ATP23: variants seen among roughly 807,000 people sequenced by gnomAD.
ATP23 encodes the protein mitochondrial inner membrane protease ATP23 homolog.
A neutral mutation model predicts 28.5 loss-of-function variants in ATP23; 24 were observed. The ratio of observed to expected loss-of-function variants is 0.84; its 90% CI spans 0.61 to 1.18. ATP23 has a LOEUF of 1.18. Among genes scored for constraint, ATP23 ranks in the 50% most tolerant of loss-of-function variants. The pLI, the probability that ATP23 is intolerant of heterozygous loss-of-function variation, is 0.00. For missense variants in ATP23, 274 were observed against 306.4 expected, an observed-to-expected ratio of 0.89 and a Z score of 0.79; for synonymous variants, 99 against 108.6, an observed-to-expected ratio of 0.91 and a Z score of 0.55.
At chr12:57,954,379 G>A (rs1007535006) in intron 5 of ATP23, among the ~76,000 whole-genome samples, 1 of 152,178 alleles carries the variant, frequency 6.6e-6, no homozygotes, top group Non-Finnish European at 1.5e-5. Flanking sequence ...AGAACAGAGA[G>A]TGTGTTGCTG....
Position 57,953,715 on chromosome 12 carries a change from C to T in ATP23, c.537+26C>T, listed in dbSNP as rs552225668. The T allele has an allele frequency of 3.8e-6, 6 of 1,565,060 alleles. No individual in the cohort carries two copies. The Admixed American group carries it at 8.4e-5, about 22-fold the overall frequency. Reference sequence around the variant, plus strand: ...GTAAAAACTAATATGAAATCACTTCCCCTCCAGAGTGTTACGAGTGGAAAT... The same window carrying T: ...GTAAAAACTAATATGAAATCACTTCTCCTCCAGAGTGTTACGAGTGGAAAT... On this transcript the variant is annotated intron_variant, in intron 5 of 5. Coordinates refer to ENST00000300145, the MANE Select transcript of ATP23 (RefSeq NM_033276.4).
At chr12:57,952,480 T>C (rs888278951) in intron 4 of ATP23, among the ~76,000 whole-genome samples, 4 of 152,184 alleles carry the variant, frequency 2.6e-5, no homozygotes, top group Admixed American at 2.6e-4. Context: ...TTTTCAAAAA[T>C]ACAACATAAA....
At chr12:57,942,087 T>A (rs1221445656) in intron 1 of ATP23, among the ~76,000 whole-genome samples, 199 bp downstream of exon 1, 2 of 152,228 alleles carry the variant, frequency 1.3e-5, no homozygotes, top group Non-Finnish European at 2.9e-5. Flanking sequence ...TTTTCGTCGC[T>A]GTTTTTGGCT....
chr12:57,947,175 A>T, intron 3 of ATP23, 99 bp downstream of exon 3: 2 of 1,125,304 alleles, frequency 1.8e-6, no homozygotes, highest in Non-Finnish European at 2.6e-6. Context: ...GGTAGACTTT[A>T]TGTAGGACTA....
At chr12:57,954,904 T>C (rs1592280816) in intron 5 of ATP23, among the ~76,000 whole-genome samples, 1 of 152,100 alleles carries the variant, frequency 6.6e-6, no homozygotes, top group South Asian at 2.1e-4. Flanking sequence ...GCCTTCTGCC[T>C]GGAAAGGGTG....
In ATP23 at chr12:57,956,825, A is replaced by G. The variant is rs1237821611; in HGVS notation, c.676A>G (p.Lys226Glu). ...ACCTTTTGGAAGGATCCCACATAAC[A>G]AGACTTATGCAAGATATGCTCACAG... ...HEPFGRIPHNKTYARYAHRDF... is the reference protein window; with the variant it reads ...HEPFGRIPHNETYARYAHRDF... Residue 226 changes from lysine to glutamate, a missense_variant, in exon 6 of 6, where the codon AAG (lysine) becomes GAG (glutamate). By Grantham distance (56) the Lys-to-Glu change is moderately conservative. Coordinates refer to ENST00000300145, the MANE Select transcript of ATP23 (RefSeq NM_033276.4). 1.2e-6 allele frequency: 2 copies of G among 1,613,820 alleles called. No individual in the cohort carries two copies. Among genetic ancestry groups the G allele is most frequent in the African/African-American group, 2.7e-5 (2 of 74,924 alleles).
At chr12:57,953,335 G>T (rs751103805) in intron 4 of ATP23, among the ~76,000 whole-genome samples, 1 of 152,072 alleles carries the variant, frequency 6.6e-6, no homozygotes, top group Non-Finnish European at 1.5e-5. Context: ...GTAAAGCTAC[G>T]CATAAAGTTT....
rs1407577123 is a variant in ATP23, at chr12:57,957,787, T to C, written c.*897T>C. Among the ~76,000 whole-genome samples the C allele has an allele frequency of 1.3e-5, 2 of 152,110 alleles. No homozygotes were observed. The stretch of plus-strand genomic sequence containing the variant: ...TCCTGCCTGTCACCACAGAGATCCA[T>C]TGCAAGGGCAGCCAGAAGAGCAGCG... On this transcript the variant is annotated 3_prime_UTR_variant, in exon 6 of 6. Coordinates refer to ENST00000300145, the MANE Select transcript of ATP23 (RefSeq NM_033276.4).
chr12:57,956,393 T>C (rs535509898), intron 5 of ATP23, among the ~76,000 whole-genome samples: 1 of 151,744 alleles, frequency 6.6e-6, no homozygotes, highest in East Asian at 1.9e-4. Flanking sequence ...TTGGGAGATA[T>C]TGTTTGGCAG....
intron 1 of ATP23, among the ~76,000 whole-genome samples, chr12:57,944,845 T>C (rs1956744268): frequency 6.6e-6 from 1 of 152,214 alleles, no homozygotes. Flanking sequence ...CTGGAAATAG[T>C]CTGTAGTACC....
chr12:57,951,390 G>C lies in ATP23; in HGVS notation c.316-368G>C, dbSNP rs185449999. ...ACTGAGTTAGTAAGGGGTGGAGCTGGAATTTGAATCTGTGTGCTTCATTCC... is the reference window on the plus strand; with the variant it reads ...ACTGAGTTAGTAAGGGGTGGAGCTGCAATTTGAATCTGTGTGCTTCATTCC... On this transcript the variant is annotated intron_variant, in intron 3 of 5. Transcript: ENST00000300145. Among the ~76,000 whole-genome samples the C allele has an allele frequency of 2.0e-3, 303 of 152,284 alleles. 1 individual carries two copies. Among genetic ancestry groups the C allele is most frequent in the African/African-American group, 6.8e-3 (283 of 41,554 alleles).
At position 57,955,759 on chromosome 12, in the gene ATP23, A is replaced by T. The variant is rs192661348; in HGVS notation, c.538-928A>T. 2.0e-5 allele frequency among the ~76,000 whole-genome samples: 3 copies of T among 152,340 alleles called. No individual in the cohort carries two copies. The East Asian group carries it at 5.8e-4, about 29-fold the overall frequency. ...TTTATGCCTGGGGTTTATTTTTTAA[A>T]ATCAGCGTTTAGTAAAATTCAGGTT... On this transcript the variant is annotated intron_variant, in intron 5 of 5. Transcript: ENST00000300145.
chr12:57,947,170 A>C, intron 3 of ATP23, 94 bp downstream of exon 3: 2 of 1,213,928 alleles, frequency 1.6e-6, no homozygotes, highest in Admixed American at 3.9e-5. Flanking sequence ...TGTTTGGTAG[A>C]CTTTATGTAG....
chr12:57,955,919 T>G (rs1037723131), intron 5 of ATP23, among the ~76,000 whole-genome samples: 2 of 152,206 alleles, frequency 1.3e-5, no homozygotes, highest in Admixed American at 6.5e-5. Context: ...TGTTTGATTA[T>G]TTTTAGGAAA....
In ATP23 at chr12:57,941,590, C is replaced by G; in HGVS notation, c.-112C>G. 1.4e-6 allele frequency: 2 copies of G among 1,418,440 alleles called. No individual in the cohort carries two copies. The highest frequency in any genetic ancestry group is 1.9e-6 in the Non-Finnish European group (2 of 1,069,702). 87.9% of individuals were successfully genotyped at this position (1,418,440 alleles called of 1,614,324 possible). On this transcript the variant is annotated 5_prime_UTR_variant, in exon 1 of 6. Transcript: ENST00000300145. ...TCAGCCCAGCCAGGCTGCCCTTCTT[C>G]CCTGCGGAGGGAGGGCCTGGGCGGT...
intron 3 of ATP23, among the ~76,000 whole-genome samples, chr12:57,947,664 A>C (rs990528609): frequency 2.0e-5 from 3 of 152,352 alleles, no homozygotes; most frequent in East Asian, 1.9e-4. Flanking sequence ...TAATCTGTAC[A>C]ATTTGGGCAA....
Position 57,956,978 on chromosome 12 carries a change from A to T in ATP23, c.*88A>T, listed in dbSNP as rs550714124. The T allele has an allele frequency of 1.8e-5, 20 of 1,085,168 alleles. No individual in the cohort carries two copies. The South Asian group carries it at 3.2e-4, about 17-fold the overall frequency. 67.2% of individuals were successfully genotyped at this position (1,085,168 alleles called of 1,614,324 possible). A position where few individuals can be genotyped will look rare whatever the true frequency, so the allele number is the denominator to read the frequency against. On this transcript the variant is annotated 3_prime_UTR_variant, in exon 6 of 6. Transcript: ENST00000300145. ...CAAGTGAACAAACATATAAAATGTA[A>T]ACAATCCCTACAATCCAGATAAAAC...
intron 3 of ATP23, among the ~76,000 whole-genome samples, chr12:57,948,784 T>C (rs1956787865): frequency 6.6e-6 from 1 of 152,194 alleles, no homozygotes; most frequent in South Asian, 2.1e-4. Flanking sequence ...ATCCTGACTT[T>C]TGTGGTAACC....
chr12:57,950,242 A>G (rs919634213), intron 3 of ATP23, among the ~76,000 whole-genome samples: 2 of 152,134 alleles, frequency 1.3e-5, no homozygotes, highest in East Asian at 3.9e-4. Flanking sequence ...GGGTAAAGAC[A>G]AGGTCTTCAG....
Sources: gnomAD v4.1 joint callset for allele counts (sites outside exome capture counted in the v4.1 genomes callset) on GRCh38, gnomAD v4.1.1 for gene constraint, MANE v1.5 for transcripts, NCBI Gene and HGNC (gene_info 2026-07-23, HGNC 2026-07-21) for gene names.